Variants in GXYLT1 observed in about 807,000 individuals in gnomAD.
GXYLT1 encodes the protein glycosyltransferase 8 domain containing 3.
Under a neutral mutation model 54.0 loss-of-function variants are expected in GXYLT1, and 29 were observed. That is an observed-to-expected ratio of 0.54 (90% CI 0.40 to 0.73). The LOEUF is 0.73. GXYLT1 is among the 30% of genes least tolerant of loss of function. The pLI, the probability that GXYLT1 is intolerant of heterozygous loss-of-function variation, is 0.00. For missense variants in GXYLT1, 490 were observed against 553.4 expected, an observed-to-expected ratio of 0.89 and a Z score of 1.15; for synonymous variants, 176 against 204.1, an observed-to-expected ratio of 0.86 and a Z score of 1.17.
At chr12:42,098,853 C>G (rs980032129) in intron 5 of GXYLT1, among the ~76,000 whole-genome samples, 1 of 146,788 alleles carries the variant, frequency 6.8e-6, no homozygotes, top group Non-Finnish European at 1.5e-5. Context: ...CCTATGTATG[C>G]TATTTCTTTT....
At chr12:42,135,868 G>A (rs2065616899) in intron 1 of GXYLT1, among the ~76,000 whole-genome samples, 1 of 152,180 alleles carries the variant, frequency 6.6e-6, no homozygotes, top group Non-Finnish European at 1.5e-5. Flanking sequence ...CTTCACAAAG[G>A]TTTAATGCAG....
At chr12:42,124,845 GA>G (rs879626397) in intron 2 of GXYLT1, among the ~76,000 whole-genome samples, 95 of 152,140 alleles carry the variant, frequency 6.2e-4, no homozygotes, top group Non-Finnish European at 7.8e-4. Context: ...TGTTTTAATA[GA>G]AAAAAACTGA....
chr12:42,092,247 C>A (rs1260513048), intron 7 of GXYLT1, among the ~76,000 whole-genome samples: 2 of 152,190 alleles, frequency 1.3e-5, no homozygotes, highest in Non-Finnish European at 2.9e-5. Context: ...TCCTGACCCC[C>A]ACATTTAAAC....
chr12:42,114,034 G>C (rs2065476499), intron 3 of GXYLT1, among the ~76,000 whole-genome samples: 1 of 152,186 alleles, frequency 6.6e-6, no homozygotes, highest in African/African-American at 2.4e-5. Context: ...TGACTACTAG[G>C]TAAATAATGA....
chr12:42,113,745 C>A (rs1457463137), intron 3 of GXYLT1, among the ~76,000 whole-genome samples: 2 of 150,732 alleles, frequency 1.3e-5, no homozygotes, highest in African/African-American at 5.0e-5. Context: ...ACAAGGATAC[C>A]CAGGAATTGA....
chr12:42,097,008 C>A (rs1202054700), intron 7 of GXYLT1, among the ~76,000 whole-genome samples: 2 of 151,922 alleles, frequency 1.3e-5, no homozygotes, highest in African/African-American at 4.8e-5. Flanking sequence ...GCTCTATTGT[C>A]CAAATATGCC....
chr12:42,132,994 T>C (rs867018406), intron 1 of GXYLT1, among the ~76,000 whole-genome samples: 2 of 152,158 alleles, frequency 1.3e-5, no homozygotes, highest in Middle Eastern at 3.4e-3. Flanking sequence ...TATTAATAAG[T>C]AGGATCTGCT....
chr12:42,096,252 CCA>C (rs1490267278), intron 7 of GXYLT1, among the ~76,000 whole-genome samples: 1 of 152,076 alleles, frequency 6.6e-6, no homozygotes, highest in Non-Finnish European at 1.5e-5. Flanking sequence ...TGCCTAATAT[CCA>C]GAGCCTACTA....
intron 1 of GXYLT1, among the ~76,000 whole-genome samples, chr12:42,138,781 G>A (rs1356427328): frequency 2.6e-5 from 4 of 152,106 alleles, no homozygotes. Flanking sequence ...TGCACTTTGG[G>A]AGGCCGAGGC....
intron 4 of GXYLT1, among the ~76,000 whole-genome samples, chr12:42,109,166 T>C (rs2065437488): frequency 1.3e-5 from 2 of 152,208 alleles, no homozygotes; most frequent in Admixed American, 6.5e-5. Flanking sequence ...TGCTATTTAA[T>C]GAAGCACTCT....
At chr12:42,113,143 G>T (rs1251004405) in intron 3 of GXYLT1, among the ~76,000 whole-genome samples, 1 of 151,044 alleles carries the variant, frequency 6.6e-6, no homozygotes, top group Non-Finnish European at 1.5e-5. Flanking sequence ...ACTAAACATG[G>T]AAAGGAACAA....
chr12:42,091,379 A>C (rs2065328389), intron 7 of GXYLT1, among the ~76,000 whole-genome samples: 1 of 152,170 alleles, frequency 6.6e-6, no homozygotes, highest in Non-Finnish European at 1.5e-5. Context: ...AGAAAAGATC[A>C]AATAAAACCA....
chr12:42,136,466 A>C (rs2065619808), intron 1 of GXYLT1, among the ~76,000 whole-genome samples: 1 of 152,174 alleles, frequency 6.6e-6, no homozygotes, highest in African/African-American at 2.4e-5. Flanking sequence ...ATTCAAAAGC[A>C]CTGAAGTCCT....
At chr12:42,097,759 A>G (rs1039416157) in intron 6 of GXYLT1, 145 bp from the exon 7 acceptor site, 24 of 1,015,454 alleles carry the variant, frequency 2.4e-5, no homozygotes, top group East Asian at 2.6e-5. Context: ...TTCCAATTAA[A>G]GCAAAATTCA....
chr12:42,119,620 C>T (rs1230569868), intron 2 of GXYLT1, among the ~76,000 whole-genome samples: 1 of 151,972 alleles, frequency 6.6e-6, no homozygotes, highest in Admixed American at 6.6e-5. Flanking sequence ...CCAGCCTAGG[C>T]AACATACCGA....
At chr12:42,113,044 G>A (rs1180833848) in intron 3 of GXYLT1, among the ~76,000 whole-genome samples, 1 of 151,090 alleles carries the variant, frequency 6.6e-6, no homozygotes, top group East Asian at 1.9e-4. Flanking sequence ...CTTCATAACT[G>A]AAGGAGAAAT....
chr12:42,091,062 C>T (rs577530669), intron 7 of GXYLT1, among the ~76,000 whole-genome samples: 2 of 152,292 alleles, frequency 1.3e-5, no homozygotes, highest in African/African-American at 4.8e-5. Context: ...GACTAAGCCT[C>T]TGTCTGAAAC....
intron 1 of GXYLT1, among the ~76,000 whole-genome samples, chr12:42,140,523 A>G (rs556643899): frequency 6.6e-6 from 1 of 152,320 alleles, no homozygotes; most frequent in South Asian, 2.1e-4. Context: ...CTCACAAACA[A>G]TATCATACTG....
At chr12:42,092,837 A>G (rs1468849186) in intron 7 of GXYLT1, among the ~76,000 whole-genome samples, 2 of 152,178 alleles carry the variant, frequency 1.3e-5, no homozygotes, top group Non-Finnish European at 2.9e-5. Flanking sequence ...AAAATACACT[A>G]ACGCTAACAA....
Sources: gnomAD v4.1 joint callset for allele counts (sites outside exome capture counted in the v4.1 genomes callset) on GRCh38, gnomAD v4.1.1 for gene constraint, MANE v1.5 for transcripts, NCBI Gene and HGNC (gene_info 2026-07-23, HGNC 2026-07-21) for gene names.